Variants in MGAT4C observed in about 807,000 individuals in gnomAD.
MGAT4C encodes the protein alpha-1,3-mannosyl-glycoprotein 4-beta-N-acetylglucosaminyltransferase C.
Under a neutral mutation model 40.1 loss-of-function variants are expected in MGAT4C, and 19 were observed. The observed-to-expected ratio is 0.47, with a 90% CI of 0.33 to 0.70. MGAT4C has a LOEUF of 0.70. MGAT4C is among the 30% of genes least tolerant of loss of function. The pLI is 0.02. For missense variants in MGAT4C, 491 were observed against 563.2 expected (o/e 0.87, Z 1.30); for synonymous variants, 181 against 187.1 (o/e 0.97, Z 0.27).
chr12:86,212,582 A>G (rs941239478), intron 1 of MGAT4C, among the ~76,000 whole-genome samples: 4 of 152,028 alleles, frequency 2.6e-5, no homozygotes, highest in Non-Finnish European at 5.9e-5. Flanking sequence ...CCAAAAAGAA[A>G]AACAAAGGTA....
chr12:86,765,588 A>T (rs1444635667), intron 1 of MGAT4C, among the ~76,000 whole-genome samples: 1 of 152,222 alleles, frequency 6.6e-6, no homozygotes, highest in Non-Finnish European at 1.5e-5. Context: ...GTTGAAATGA[A>T]GGAAAAAATG....
chr12:86,437,779 C>T lies in MGAT4C; in HGVS notation c.-228-2514G>A, dbSNP rs190475426. 2.4e-3 allele frequency among the ~76,000 whole-genome samples: 366 copies of T among 151,908 alleles called. 1 individual carries two copies. The highest frequency in any genetic ancestry group is 7.1e-3 in the African/African-American group (296 of 41,494). On this transcript the variant is annotated intron_variant, in intron 2 of 7. Coordinates refer to the MGAT4C transcript ENST00000548651. ...TATTTTATCTGTTTCATTATATCTA[C>T]GATCATTGATATTACTCTTGTAATT...
chr12:86,476,113 A>G (rs1957831985), intron 2 of MGAT4C, among the ~76,000 whole-genome samples: 1 of 152,140 alleles, frequency 6.6e-6, no homozygotes, highest in South Asian at 2.1e-4. Context: ...AATTTTCAGT[A>G]TAAAATACAA....
intron 1 of MGAT4C, among the ~76,000 whole-genome samples, chr12:86,171,504 A>G (rs1412768650): frequency 5.3e-5 from 8 of 152,222 alleles, no homozygotes. Flanking sequence ...ATAGTAAGTG[A>G]ATTGACCATT....
At chr12:86,043,458 A>T (rs1169721077) in intron 2 of MGAT4C, among the ~76,000 whole-genome samples, 3 of 152,184 alleles carry the variant, frequency 2.0e-5, no homozygotes, top group Admixed American at 1.3e-4. Context: ...CATCCAGCAG[A>T]GGTAAAAGGA....
chr12:86,366,547 C>A (rs150732500), intron 3 of MGAT4C, among the ~76,000 whole-genome samples: 2 of 152,052 alleles, frequency 1.3e-5, no homozygotes, highest in East Asian at 1.9e-4. Context: ...AAGATGGCAA[C>A]AACAGACACT....
At chr12:86,610,744 T>TACCCC (rs1962226435) in intron 2 of MGAT4C, among the ~76,000 whole-genome samples, 1 of 27,316 alleles carries the variant, frequency 3.7e-5, no homozygotes, top group African/African-American at 1.4e-4. Flanking sequence ...CCCCTCCCCC[T>TACCCC]ACCCCACCCC....
At chr12:86,490,157 T>C (rs1205400551) in intron 2 of MGAT4C, among the ~76,000 whole-genome samples, 2 of 152,060 alleles carry the variant, frequency 1.3e-5, no homozygotes, top group African/African-American at 4.8e-5. Flanking sequence ...GAAAAAATGT[T>C]AAGGGCAGCC....
At chr12:86,587,384 T>C (rs369526828) in intron 2 of MGAT4C, among the ~76,000 whole-genome samples, 2 of 152,004 alleles carry the variant, frequency 1.3e-5, no homozygotes, top group African/African-American at 4.8e-5. Flanking sequence ...AGTCAGGTAG[T>C]GTGATGCCTC....
At chr12:86,829,553 A>AT (rs397733690) in intron 1 of MGAT4C, among the ~76,000 whole-genome samples, 9 of 151,628 alleles carry the variant, frequency 5.9e-5, no homozygotes, top group Non-Finnish European at 1.3e-4. Context: ...AGTATTCTAT[A>AT]TTTTTTGTTT....
chr12:85,991,528 C>A (rs970891582), intron 2 of MGAT4C, among the ~76,000 whole-genome samples: 8 of 152,150 alleles, frequency 5.3e-5, no homozygotes, highest in East Asian at 1.9e-4. Flanking sequence ...CTGCTTGCAC[C>A]AATGGGCACC....
intron 1 of MGAT4C, among the ~76,000 whole-genome samples, chr12:86,759,861 T>C (rs74887218): frequency 0.011 from 1,699 of 152,230 alleles, 29 homozygotes; most frequent in African/African-American, 0.039. Context: ...CTGTTGATTA[T>C]TTCCTTTGAT....
rs139262455 is a variant in MGAT4C at position 85,989,842 on chromosome 12, C to T, written c.-6-290G>A. On this transcript the variant is annotated intron_variant, in intron 2 of 4. Coordinates refer to ENST00000611864, the MANE Select transcript of MGAT4C (RefSeq NM_001351288.2). ...TCATAATAATGTAAATAAAACAGGCCTCTGATGAGAAACAGTACAAAAGCA... is the reference window on the plus strand; with the variant it reads ...TCATAATAATGTAAATAAAACAGGCTTCTGATGAGAAACAGTACAAAAGCA... 2.1e-3 allele frequency among the ~76,000 whole-genome samples: 322 copies of T among 152,064 alleles called. 2 individuals are homozygous for T. The highest frequency in any genetic ancestry group is 7.2e-3 in the African/African-American group (298 of 41,510).
chr12:86,828,196 T>C (rs1593244854), intron 1 of MGAT4C, among the ~76,000 whole-genome samples: 1 of 151,078 alleles, frequency 6.6e-6, no homozygotes, highest in Non-Finnish European at 1.5e-5. Context: ...TTGTCTATAA[T>C]AGTTTATTCA....
At chr12:86,349,555 C>T (rs1955113204) in intron 3 of MGAT4C, among the ~76,000 whole-genome samples, 1 of 152,104 alleles carries the variant, frequency 6.6e-6, no homozygotes, top group Non-Finnish European at 1.5e-5. Flanking sequence ...TTTTTCTTTT[C>T]TTTGTACCAT....
At position 86,615,592 on chromosome 12, in the gene MGAT4C, C is replaced by T. The variant is rs138704298; in HGVS notation, c.-229+111617G>A. On this transcript the variant is annotated intron_variant, in intron 2 of 7. Transcript: ENST00000548651. ...GGAGGAATGGCTAATAAACTAATAC[C>T]ATAATTTGGGAGAAATAAGGTTAAC... 2.9e-4 allele frequency among the ~76,000 whole-genome samples: 44 copies of T among 151,982 alleles called. No individual in the cohort carries two copies. In the East Asian group the frequency reaches 7.8e-3, roughly 27 times the overall value.
chr12:86,766,241 T>G (rs1951505148), intron 1 of MGAT4C, among the ~76,000 whole-genome samples: 3 of 151,854 alleles, frequency 2.0e-5, no homozygotes, highest in African/African-American at 7.3e-5. Flanking sequence ...AAACAGACTT[T>G]AAACCAACAA....
chr12:86,356,848 T>G (rs908605778), intron 3 of MGAT4C, among the ~76,000 whole-genome samples: 3 of 152,046 alleles, frequency 2.0e-5, no homozygotes, highest in Non-Finnish European at 4.4e-5. Context: ...TGGAGCCCAC[T>G]GAAGCTCAAG....
At chr12:86,140,351 C>T (rs1381933387) in intron 1 of MGAT4C, among the ~76,000 whole-genome samples, 1 of 152,104 alleles carries the variant, frequency 6.6e-6, no homozygotes, top group Non-Finnish European at 1.5e-5. Context: ...TTTGCAGGGA[C>T]ATGAATGAAG....
Sources: allele counts gnomAD v4.1 joint callset (sites outside exome capture counted in the v4.1 genomes callset), GRCh38; gene constraint gnomAD v4.1.1; transcripts MANE v1.5; gene names NCBI Gene and HGNC (gene_info 2026-07-23, HGNC 2026-07-21).